EML1: variants seen among roughly 807,000 people sequenced by gnomAD.
EML1 encodes echinoderm microtubule-associated protein-like 1.
EML1 carries 27 observed loss-of-function variants against 110.4 expected under a neutral mutation model. The ratio of observed to expected loss-of-function variants is 0.24; its 90% CI spans 0.18 to 0.34. The LOEUF (loss-of-function observed/expected upper bound fraction) is 0.34. Ranked by LOEUF, EML1 falls within the 10% of genes least tolerant of loss-of-function variation. The pLI is 1.00. For missense variants in EML1, 741 were observed against 1,030.9 expected, an observed-to-expected ratio of 0.72 and a Z score of 3.85; for synonymous variants, 344 against 385.8, an observed-to-expected ratio of 0.89 and a Z score of 1.27.
At chr14:99,889,191 G>A (rs2059540302) in intron 4 of EML1, among the ~76,000 whole-genome samples, 1 of 152,170 alleles carries the variant, frequency 6.6e-6, no homozygotes, top group Non-Finnish European at 1.5e-5. Context: ...GGGACCTGGA[G>A]GATGGAGAGA....
At chr14:99,792,437 G>A (rs371681949), upstream of EML1, among the ~76,000 whole-genome samples, 244 of 152,224 alleles carry the variant, frequency 1.6e-3, 2 homozygotes, top group Non-Finnish European at 2.9e-3. Context: ...GTTATTTGGC[G>A]CATCTTTACT....
chr14:99,909,536 A>G, intron 11 of EML1, 57 bp downstream of exon 11: 1 of 1,606,172 alleles, frequency 6.2e-7, no homozygotes, highest in East Asian at 2.2e-5. Context: ...GATTGGCTAG[A>G]TGCATCTCTC....
intron 9 of EML1, among the ~76,000 whole-genome samples, chr14:99,906,358 T>C (rs920159074): frequency 6.6e-6 from 1 of 152,230 alleles, no homozygotes; most frequent in Admixed American, 6.5e-5. Context: ...CGAGGGCTGC[T>C]GGTTGCCTAT....
chr14:99,903,343 C>T (rs867103438), intron 9 of EML1, among the ~76,000 whole-genome samples: 1 of 152,158 alleles, frequency 6.6e-6, no homozygotes, highest in Non-Finnish European at 1.5e-5. Flanking sequence ...CCTCTATTCT[C>T]ATGTTACAAC....
chr14:99,764,554 T>A (rs992159751), intron 1 of EML1, among the ~76,000 whole-genome samples: 4 of 152,210 alleles, frequency 2.6e-5, no homozygotes, highest in African/African-American at 9.6e-5. Context: ...AGCAGCGAGC[T>A]CTGTACATTC....
chr14:99,850,380 A>T (rs754912043), intron 1 of EML1: 1 of 1,282,714 alleles, frequency 7.8e-7, no homozygotes, highest in East Asian at 5.6e-5. Flanking sequence ...TGCCAAACTC[A>T]TATTGCTTTA....
chr14:99,925,768 G>A lies in EML1; in HGVS notation c.1909+4891G>A, dbSNP rs568274618. On this transcript the variant is annotated intron_variant, in intron 17 of 21. Coordinates refer to ENST00000262233, the MANE Select transcript of EML1 (RefSeq NM_004434.3). ...GTACAGATTCAGATTGGCCGGAAGG[G>A]TGTCTGAATAGGCAGGATCCTTTCC... is the stretch of plus-strand genomic sequence containing the variant. Among the ~76,000 whole-genome samples the A allele has an allele frequency of 3.3e-5, 5 of 152,288 alleles. No individual in the cohort carries two copies. The East Asian group carries it at 7.7e-4, about 24-fold the overall frequency.
intron 17 of EML1, among the ~76,000 whole-genome samples, chr14:99,929,543 A>G (rs890993881): frequency 6.6e-6 from 1 of 152,242 alleles, no homozygotes. Context: ...GGTTAGTTGC[A>G]TGCGTGAATG....
At chr14:99,850,779 G>C in intron 1 of EML1, 74 bp from the exon 2 acceptor site, 1 of 1,513,768 alleles carries the variant, frequency 6.6e-7, no homozygotes, top group Non-Finnish European at 9.0e-7. Context: ...AAAACAGCAT[G>C]CTAGATAGAG....
chr14:99,838,709 C>T (rs995804340), intron 1 of EML1, among the ~76,000 whole-genome samples: 4 of 152,052 alleles, frequency 2.6e-5, no homozygotes, highest in Admixed American at 6.5e-5. Context: ...GTAGCTACTG[C>T]GCCTCATAGC....
intron 8 of EML1, chr14:99,899,437 C>T (rs2059724726): frequency 6.6e-6 from 1 of 152,106 alleles, no homozygotes; most frequent in Admixed American, 6.6e-5. Context: ...CCACCTCAGC[C>T]TCCTGAGTAG....
intron 1 of EML1, among the ~76,000 whole-genome samples, chr14:99,798,612 G>T (rs937666744): frequency 6.6e-6 from 1 of 151,980 alleles, no homozygotes; most frequent in Admixed American, 6.6e-5. Flanking sequence ...GGCTGGTCTC[G>T]AAGTCATGAC....
chr14:99,767,169 A>G (rs1176135161), intron 1 of EML1, among the ~76,000 whole-genome samples: 2 of 152,272 alleles, frequency 1.3e-5, no homozygotes, highest in Non-Finnish European at 2.9e-5. Flanking sequence ...TTCTATTTTA[A>G]GGAGAAGAGC....
At chr14:99,909,040 A>G (rs955497420) in intron 10 of EML1, among the ~76,000 whole-genome samples, 3 of 152,186 alleles carry the variant, frequency 2.0e-5, no homozygotes, top group African/African-American at 7.2e-5. Context: ...TCAGCAAAGC[A>G]TGCTGCATGC....
intron 2 of EML1, among the ~76,000 whole-genome samples, chr14:99,854,778 T>G (rs544919677): frequency 2.0e-5 from 3 of 152,168 alleles, no homozygotes; most frequent in Non-Finnish European, 4.4e-5. Context: ...TGGATTACCA[T>G]GTAGTGGAGA....
chr14:99,746,560 C>T (rs1228366537), intron 1 of EML1, among the ~76,000 whole-genome samples: 3 of 152,126 alleles, frequency 2.0e-5, no homozygotes, highest in Non-Finnish European at 2.9e-5. Context: ...TAGCAGAAGC[C>T]GAGGACTCAG....
intron 1 of EML1, among the ~76,000 whole-genome samples, chr14:99,739,873 C>T (rs1411773393): frequency 6.6e-6 from 1 of 152,110 alleles, no homozygotes; most frequent in Non-Finnish European, 1.5e-5. Context: ...ATCCCCAAGC[C>T]GTGTCGGCAG....
intron 1 of EML1, among the ~76,000 whole-genome samples, chr14:99,805,904 T>G (rs1399456236): frequency 3.3e-5 from 5 of 152,330 alleles, no homozygotes; most frequent in Non-Finnish European, 7.3e-5. Context: ...CAGCCATCAC[T>G]GCCATCCATC....
At chr14:99,801,722 C>T (rs2057885470) in intron 1 of EML1, among the ~76,000 whole-genome samples, 1 of 152,168 alleles carries the variant, frequency 6.6e-6, no homozygotes, top group Non-Finnish European at 1.5e-5. Flanking sequence ...TCTCATCATC[C>T]ATCCCTTCCT....
Sources: allele counts gnomAD v4.1 joint callset (sites outside exome capture counted in the v4.1 genomes callset), GRCh38; gene constraint gnomAD v4.1.1; transcripts MANE v1.5; gene names NCBI Gene and HGNC (gene_info 2026-07-23, HGNC 2026-07-21).